NBPF3: variants seen among roughly 807,000 people sequenced by gnomAD.
NBPF3 encodes NBPF member 3.
Under a neutral mutation model 78.1 loss-of-function variants are expected in NBPF3, and 57 were observed. The observed-to-expected ratio is 0.73, with a 90% CI of 0.59 to 0.91. The LOEUF is 0.91. Ranked by LOEUF, NBPF3 falls within the 40% of genes least tolerant of loss-of-function variation. The pLI is 0.00. For missense variants in NBPF3, 510 were observed against 715.3 expected (o/e 0.71, Z 3.27); for synonymous variants, 182 against 271.7 (o/e 0.67, Z 3.25).
chr1:21,480,411 C>G lies in NBPF3; in HGVS notation c.1381+188C>G, dbSNP rs1483796744. Among the ~76,000 whole-genome samples the G allele has an allele frequency of 2.3e-4, 25 of 109,746 alleles. 4 individuals are homozygous for G. The highest frequency in any genetic ancestry group is 6.6e-4 in the African/African-American group (25 of 37,744). 72.0% of individuals were successfully genotyped at this position (109,746 alleles called of 152,430 possible). A position where few individuals can be genotyped will look rare whatever the true frequency, so the allele number is the denominator to read the frequency against. On this transcript the variant is annotated intron_variant, in intron 11 of 14. Transcript: ENST00000318249. ...CCCAGACATGAAATGGGTCAGTGAG[C>G]ATGGCTCTATTCCTAGTCTCCAGCC... is the stretch of plus-strand genomic sequence containing the variant.
At chr1:21,443,503 C>T (rs577691385) in intron 1 of NBPF3, among the ~76,000 whole-genome samples, 1 of 152,178 alleles carries the variant, frequency 6.6e-6, no homozygotes, top group South Asian at 2.1e-4. Flanking sequence ...ACTTAATTAG[C>T]GAGAAAACTT....
chr1:21,442,182 T>C (rs1640692122), intron 1 of NBPF3: 1 of 152,216 alleles, frequency 6.6e-6, no homozygotes, highest in Non-Finnish European at 1.5e-5. Context: ...GCGTTTTCAC[T>C]CTTTTATGTT....
intron 8 of NBPF3, 111 bp from the exon 9 acceptor site, chr1:21,478,033 T>C (rs1429089073): frequency 1.9e-6 from 3 of 1,605,830 alleles, no homozygotes; most frequent in Admixed American, 3.3e-5. Flanking sequence ...AAAATGCCTT[T>C]GGTTTCTGTG....
intron 2 of NBPF3, among the ~76,000 whole-genome samples, chr1:21,456,994 A>AT (rs1290613739): frequency 2.0e-5 from 3 of 152,242 alleles, no homozygotes; most frequent in African/African-American, 7.2e-5. Flanking sequence ...GCCAAAGCTA[A>AT]TTAGTGAGTT....
chr1:21,448,890 T>C (rs184276663), intron 2 of NBPF3, among the ~76,000 whole-genome samples: 2 of 152,224 alleles, frequency 1.3e-5, no homozygotes, highest in Admixed American at 1.3e-4. Flanking sequence ...TTTGTTCAGC[T>C]TTTTTCTAGC....
At chr1:21,481,298 C>T (rs376688723) in intron 12 of NBPF3, among the ~76,000 whole-genome samples, 43 of 148,498 alleles carry the variant, frequency 2.9e-4, no homozygotes, top group African/African-American at 6.9e-4. Context: ...ATGCTGTGTG[C>T]CCTGAGGGCA....
chr1:21,437,383 A>AC, upstream of NBPF3: 1 of 791,528 alleles, frequency 1.3e-6, no homozygotes, highest in Non-Finnish European at 1.9e-6. Context: ...TGGTGAGAGC[A>AC]CATTGGGGAG....
At chr1:21,437,213 A>G (rs1640442461), upstream of NBPF3, among the ~76,000 whole-genome samples, 1 of 151,716 alleles carries the variant, frequency 6.6e-6, no homozygotes, top group South Asian at 2.1e-4. Context: ...GAGGAGTCTG[A>G]GAGTGGAACC....
At chr1:21,444,230 G>A (rs1640831371) in intron 1 of NBPF3, among the ~76,000 whole-genome samples, 1 of 152,174 alleles carries the variant, frequency 6.6e-6, no homozygotes, top group Non-Finnish European at 1.5e-5. Context: ...AAATAAAATA[G>A]CTGTATAGAG....
intron 10 of NBPF3, among the ~76,000 whole-genome samples, chr1:21,479,820 CTGTGTG>C (rs59451117): frequency 1.4e-4 from 14 of 102,886 alleles, no homozygotes; most frequent in African/African-American, 3.4e-4. Context: ...CTCTCTCTCT[CTGTGTG>C]TGTGTGTGTG....
At chr1:21,468,935 T>G in intron 3 of NBPF3, 38 bp downstream of exon 3, 2 of 1,474,788 alleles carry the variant, frequency 1.4e-6, no homozygotes, top group Non-Finnish European at 1.9e-6. Flanking sequence ...AAGCGATGAA[T>G]GATGTCCTGT....
At chr1:21,479,431 TG>T in intron 10 of NBPF3, 31 bp downstream of exon 10, 1 of 1,596,924 alleles carries the variant, frequency 6.3e-7, no homozygotes, top group Non-Finnish European at 8.5e-7. Context: ...ACAGTTAATT[TG>T]ATGTTGACAC....
chr1:21,454,913 C>CA (rs1280711996), intron 2 of NBPF3, among the ~76,000 whole-genome samples: 2 of 152,236 alleles, frequency 1.3e-5, no homozygotes, highest in Admixed American at 1.3e-4. Flanking sequence ...CAGGGCCTCA[C>CA]AGGCTGAAAT....
chr1:21,448,986 G>A (rs1641147329), intron 2 of NBPF3, among the ~76,000 whole-genome samples: 1 of 152,138 alleles, frequency 6.6e-6, no homozygotes, highest in African/African-American at 2.4e-5. Flanking sequence ...TGTTATAAAA[G>A]TCAGCCATTG....
chr1:21,477,942 T>C, intron 8 of NBPF3: 3 of 1,081,070 alleles, frequency 2.8e-6, no homozygotes, highest in Non-Finnish European at 4.0e-6. Flanking sequence ...ACTGAGCACG[T>C]GCTGCCCATT....
At chr1:21,479,867 T>A (rs1643108370) in intron 10 of NBPF3, among the ~76,000 whole-genome samples, 184 bp from the exon 11 acceptor site, 1 of 151,634 alleles carries the variant, frequency 6.6e-6, no homozygotes, top group East Asian at 1.9e-4. Context: ...TGTATGTCTT[T>A]CTCTTTCATC....
At chr1:21,464,702 AAAAAG>A (rs1642156351) in intron 2 of NBPF3, among the ~76,000 whole-genome samples, 1 of 152,068 alleles carries the variant, frequency 6.6e-6, no homozygotes, top group East Asian at 1.9e-4. Context: ...ATTAAAAAAA[AAAAAG>A]AAAGTAAAAG....
At chr1:21,472,993 C>A in intron 6 of NBPF3, 78 bp downstream of exon 6, 2 of 1,120,650 alleles carry the variant, frequency 1.8e-6, no homozygotes, top group Non-Finnish European at 2.7e-6. Flanking sequence ...TCTCTGGCAT[C>A]TATGATGGGC....
At chr1:21,461,359 A>T (rs1321500204) in intron 2 of NBPF3, among the ~76,000 whole-genome samples, 1 of 147,424 alleles carries the variant, frequency 6.8e-6, no homozygotes, top group Non-Finnish European at 1.5e-5. Flanking sequence ...AAACAATAGG[A>T]TATTACTTGG....
Sources: allele counts gnomAD v4.1 joint callset (sites outside exome capture counted in the v4.1 genomes callset), GRCh38; gene constraint gnomAD v4.1.1; transcripts MANE v1.5; gene names NCBI Gene and HGNC (gene_info 2026-07-23, HGNC 2026-07-21).